The following GREB1L variants were observed in gnomAD, a reference collection of about 807,000 sequenced individuals.
The protein encoded by GREB1L is GREB1 like retinoic acid receptor coactivator.
A neutral mutation model predicts 200.8 loss-of-function variants in GREB1L; 17 were observed. The observed-to-expected ratio is 0.08, with a 90% CI of 0.06 to 0.13. The LOEUF is 0.13. Among genes scored for constraint, GREB1L ranks in the 10% least tolerant of loss-of-function variants. GREB1L has a pLI of 1.00. For synonymous variants in GREB1L, 789 were observed against 893.0 expected, an observed-to-expected ratio of 0.88 and a Z score of 2.08; for missense variants, 1,657 against 2,367.7, an observed-to-expected ratio of 0.70 and a Z score of 6.23.
chr18:21,383,410 T>C (rs1567966020), intron 2 of GREB1L, 100 bp from the exon 3 acceptor site: 7 of 842,748 alleles, frequency 8.3e-6, no homozygotes, highest in Non-Finnish European at 1.2e-5. Flanking sequence ...CTTAACAAGA[T>C]ATATGGACAT....
intron 2 of GREB1L, among the ~76,000 whole-genome samples, chr18:21,373,240 C>G (rs960934494): frequency 2.0e-5 from 3 of 152,150 alleles, no homozygotes; most frequent in Non-Finnish European, 2.9e-5. Flanking sequence ...TCCCTATCAA[C>G]CTTCTGTCTC....
intron 4 of GREB1L, among the ~76,000 whole-genome samples, chr18:21,395,105 C>CAAAAAAAAAAAA (rs372663303): frequency 1.6e-4 from 10 of 63,964 alleles, no homozygotes; most frequent in Non-Finnish European, 2.4e-4. Flanking sequence ...GACTCCATCT[C>CAAAAAAAAAAAA]AAAAAAAAAA....
chr18:21,371,456 CAAT>C (rs1464996281), intron 2 of GREB1L, among the ~76,000 whole-genome samples: 1 of 148,426 alleles, frequency 6.7e-6, no homozygotes, highest in African/African-American at 2.5e-5. Context: ...CAACGTGGCA[CAAT>C]GATACAATTT....
chr18:21,268,522 TACACACACAC>T (rs773384876), intron 1 of GREB1L, among the ~76,000 whole-genome samples: 23 of 65,162 alleles, frequency 3.5e-4, no homozygotes, highest in East Asian at 1.1e-3. Flanking sequence ...TATATATATA[TACACACACAC>T]ACACACACAC....
intron 1 of GREB1L, among the ~76,000 whole-genome samples, chr18:21,261,168 T>C (rs1407934413): frequency 6.6e-6 from 1 of 152,036 alleles, no homozygotes; most frequent in Non-Finnish European, 1.5e-5. Flanking sequence ...TGTAAATATT[T>C]AGACTATATA....
rs2040518748 is a variant in GREB1L, at chr18:21,385,897, G to T, written c.355+1494G>T. 2.6e-5 allele frequency among the ~76,000 whole-genome samples: 4 copies of T among 152,078 alleles called. No individual in the cohort carries two copies. In the South Asian group the frequency reaches 6.2e-4, roughly 24 times the overall value. On this transcript the variant is annotated intron_variant, in intron 4 of 32. Transcript: ENST00000424526. ...AGGTTTCCATTCTTCCTGTGCCCTA[G>T]GTATGTTTTTAGTTTGCCTTACAGG... is the stretch of plus-strand genomic sequence containing the variant.
At chr18:21,324,937 T>A (rs776523867) in intron 1 of GREB1L, among the ~76,000 whole-genome samples, 1 of 152,252 alleles carries the variant, frequency 6.6e-6, no homozygotes, top group African/African-American at 2.4e-5. Context: ...GGAGTCACAG[T>A]CCTCAGAAGC....
chr18:21,416,755 G>T (rs2031677358), intron 7 of GREB1L, among the ~76,000 whole-genome samples: 1 of 151,068 alleles, frequency 6.6e-6, no homozygotes, highest in Non-Finnish European at 1.5e-5. Context: ...GCTGGGCACA[G>T]TGGCTCATGC....
chr18:21,447,710 G>A (rs1222180688), intron 11 of GREB1L, among the ~76,000 whole-genome samples: 1 of 152,104 alleles, frequency 6.6e-6, no homozygotes, highest in East Asian at 1.9e-4. Context: ...TTAAATAAAT[G>A]ACCACCTTCT....
At chr18:21,476,585 T>G (rs1454464572) in intron 16 of GREB1L, among the ~76,000 whole-genome samples, 1 of 152,090 alleles carries the variant, frequency 6.6e-6, no homozygotes, top group South Asian at 2.1e-4. Flanking sequence ...GTTTTGTTTT[T>G]TTTTTAAACA....
intron 1 of GREB1L, among the ~76,000 whole-genome samples, chr18:21,256,037 C>G (rs2037794110): frequency 6.6e-6 from 1 of 151,942 alleles, no homozygotes; most frequent in Non-Finnish European, 1.5e-5. Flanking sequence ...GGAAATAAAC[C>G]TGAAAATCTT....
At chr18:21,279,704 C>T (rs999855551) in intron 1 of GREB1L, among the ~76,000 whole-genome samples, 26 of 151,924 alleles carry the variant, frequency 1.7e-4, no homozygotes, top group Non-Finnish European at 8.8e-5. Context: ...AGTGGTTTTT[C>T]ACAGGATCGA....
At position 21,499,830 on chromosome 18, in the gene GREB1L, C is replaced by A; in HGVS notation, c.3493C>A (p.Leu1165Met). ...SFQSPATSLG[L>M]DEGVSASSAG... is the part of the protein sequence containing the mutation. Reference sequence around the variant, plus strand: ...TCAGAGCCCAGCCACCAGCTTGGGGCTGGATGAAGGGGTCTCCGCCAGCTC... The same window carrying A: ...TCAGAGCCCAGCCACCAGCTTGGGGATGGATGAAGGGGTCTCCGCCAGCTC... The change falls in exon 22 of 33, where the codon CTG becomes ATG. Residue 1165 changes from leucine (L) to methionine (M), a missense_variant. Physicochemically the swap from Leu to Met is conservative, Grantham distance 15. Around this residue, in one of 9 missense-constraint regions of GREB1L, gnomAD observed 512 missense variants for 668.3 expected, o/e 0.77. Transcript: ENST00000424526. The A allele has an allele frequency of 6.4e-7, 1 of 1,551,776 alleles. No homozygotes were observed. Among genetic ancestry groups the A allele is most frequent in the Non-Finnish European group, 8.7e-7 (1 of 1,146,976 alleles).
chr18:21,328,180 C>A (rs990377841), intron 1 of GREB1L, among the ~76,000 whole-genome samples: 1 of 152,002 alleles, frequency 6.6e-6, no homozygotes, highest in Non-Finnish European at 1.5e-5. Flanking sequence ...TGCCATTGCC[C>A]CCCCCCGTTC....
intron 1 of GREB1L, among the ~76,000 whole-genome samples, chr18:21,312,562 ATTTATTTT>A (rs926333339): frequency 6.7e-6 from 1 of 150,312 alleles, no homozygotes; most frequent in Non-Finnish European, 1.5e-5. Context: ...TTATTTATTT[ATTTATTTT>A]TTGAGACAAA....
chr18:21,297,430 A>G (rs775318331), intron 1 of GREB1L, among the ~76,000 whole-genome samples: 2 of 152,104 alleles, frequency 1.3e-5, no homozygotes, highest in African/African-American at 4.8e-5. Context: ...CTTGAGGGAA[A>G]AGGGCAGGGG....
chr18:21,487,199 C>A (rs1034058549), intron 18 of GREB1L, among the ~76,000 whole-genome samples: 6 of 152,180 alleles, frequency 3.9e-5, no homozygotes, highest in African/African-American at 1.4e-4. Context: ...TTTCTGGTAA[C>A]ATCATTCAGA....
chr18:21,513,625 TA>T (rs1195172870), intron 27 of GREB1L, among the ~76,000 whole-genome samples, 195 bp from the exon 28 acceptor site: 1 of 152,234 alleles, frequency 6.6e-6, no homozygotes, highest in Non-Finnish European at 1.5e-5. Context: ...AATGGACTCT[TA>T]AGAATCTACA....
At chr18:21,494,871 TGGC>T (rs1051659067) in intron 19 of GREB1L, among the ~76,000 whole-genome samples, 2 of 152,242 alleles carry the variant, frequency 1.3e-5, no homozygotes, top group African/African-American at 4.8e-5. Context: ...TTTTTCAAAT[TGGC>T]GGGATTACTT....
Sources: allele counts gnomAD v4.1 joint callset (sites outside exome capture counted in the v4.1 genomes callset), GRCh38; gene constraint gnomAD v4.1.1; regional missense constraint gnomAD v4.1.1; transcripts MANE v1.5; gene names NCBI Gene and HGNC (gene_info 2026-07-23, HGNC 2026-07-21).